ZC3H12B: variants seen among roughly 807,000 people sequenced by gnomAD.
The protein encoded by ZC3H12B is zinc finger CCCH-type containing 12B.
Under a neutral mutation model 43.9 loss-of-function variants are expected in ZC3H12B, and 7 were observed. The observed-to-expected ratio is 0.16, with a 90% confidence interval of 0.09 to 0.30. ZC3H12B has a LOEUF of 0.30. Among genes scored for constraint, ZC3H12B ranks in the 10% least tolerant of loss-of-function variants. The pLI, the probability that ZC3H12B is intolerant of heterozygous loss-of-function variation, is 1.00. For synonymous variants in ZC3H12B, 222 were observed against 241.7 expected, an observed-to-expected ratio of 0.92 and a Z score of 0.76; for missense variants, 475 against 670.2, an observed-to-expected ratio of 0.71 and a Z score of 3.22.
chrX:65,160,364 G>A, the ZC3H12B span, among the ~76,000 whole-genome samples: 3,642 of 111,590 alleles, frequency 0.033, 59 homozygotes, highest in South Asian at 0.057. Flanking sequence ...ACCTCTGGTA[G>A]AATTCGGCTG....
the ZC3H12B span, among the ~76,000 whole-genome samples, chrX:65,285,671 T>G: frequency 8.9e-6 from 1 of 111,738 alleles, no homozygotes; most frequent in Non-Finnish European, 1.9e-5. Flanking sequence ...GCGAATTTGT[T>G]ACCACTACAC....
the ZC3H12B span, among the ~76,000 whole-genome samples, chrX:65,219,756 A>C: frequency 1.8e-5 from 2 of 109,234 alleles, no homozygotes; most frequent in South Asian, 7.8e-4. Flanking sequence ...AAACTTCTGC[A>C]GCATTGCTAG....
chrX:65,416,377 T>A (rs938446689), intron 3 of ZC3H12B, among the ~76,000 whole-genome samples: 27 of 111,614 alleles, frequency 2.4e-4, no homozygotes, highest in African/African-American at 8.8e-4. Context: ...TCTGTTACTA[T>A]AGACATGGAA....
the ZC3H12B span, among the ~76,000 whole-genome samples, chrX:65,145,351 G>A: frequency 9.3e-6 from 1 of 107,986 alleles, no homozygotes; most frequent in African/African-American, 3.4e-5. Flanking sequence ...CCTTAAGTTT[G>A]TGTGAGTCCA....
the ZC3H12B span, among the ~76,000 whole-genome samples, chrX:65,100,310 CTTCAGGATATTA>C: frequency 9.1e-6 from 1 of 109,503 alleles, no homozygotes; most frequent in Non-Finnish European, 1.9e-5. Flanking sequence ...GTTAAATACA[CTTCAGGATATTA>C]TTTGGGAGAA....
the ZC3H12B span, among the ~76,000 whole-genome samples, chrX:65,242,588 C>G: frequency 8.9e-6 from 1 of 112,180 alleles, no homozygotes; most frequent in African/African-American, 3.2e-5. Context: ...AATGCAGTTT[C>G]TGTCAAAATA....
chrX:65,264,531 T>C, the ZC3H12B span, among the ~76,000 whole-genome samples: 1 of 111,958 alleles, frequency 8.9e-6, no homozygotes, highest in African/African-American at 3.2e-5. Flanking sequence ...GTGGCAGACA[T>C]AGATAAAAAA....
chrX:65,223,886 A>T, the ZC3H12B span, among the ~76,000 whole-genome samples: 1 of 112,557 alleles, frequency 8.9e-6, no homozygotes, highest in African/African-American at 3.2e-5. Flanking sequence ...TATGGAAAAC[A>T]GAGTGGAAAT....
intron 2 of ZC3H12B, among the ~76,000 whole-genome samples, chrX:65,397,924 T>G (rs1449406398): frequency 8.9e-6 from 1 of 111,919 alleles, no homozygotes; most frequent in Non-Finnish European, 1.9e-5. Flanking sequence ...ATAAACAAAT[T>G]TAATAAATTT....
intron 2 of ZC3H12B, among the ~76,000 whole-genome samples, chrX:65,378,305 A>T (rs749621861): frequency 8.9e-6 from 1 of 111,779 alleles, no homozygotes; most frequent in Non-Finnish European, 1.9e-5. Context: ...TTGAAAGATT[A>T]AAAAGACGAG....
chrX:65,201,233 A>G, the ZC3H12B span, among the ~76,000 whole-genome samples: 3 of 111,172 alleles, frequency 2.7e-5, 1 homozygote, highest in Non-Finnish European at 5.7e-5. Flanking sequence ...TGAACTCAGT[A>G]TTGGTCTATT....
At chrX:65,136,709 A>C in the ZC3H12B span, among the ~76,000 whole-genome samples, 1 of 111,727 alleles carries the variant, frequency 9.0e-6, no homozygotes, top group Non-Finnish European at 1.9e-5. Context: ...ATGAGAACCC[A>C]GGGGAACTCA....
the ZC3H12B span, among the ~76,000 whole-genome samples, chrX:65,097,038 A>T: frequency 9.0e-6 from 1 of 111,602 alleles, no homozygotes. Flanking sequence ...TTTGGCAATC[A>T]TGCCTCCTTT....
At chrX:65,067,003 T>C in the ZC3H12B span, among the ~76,000 whole-genome samples, 1 of 111,307 alleles carries the variant, frequency 9.0e-6, no homozygotes, top group Non-Finnish European at 1.9e-5. Context: ...CCAAGCTCGA[T>C]TGTTCCAGGT....
At chrX:65,454,754 T>A (rs12008241) in intron 3 of ZC3H12B, among the ~76,000 whole-genome samples, 1 of 110,651 alleles carries the variant, frequency 9.0e-6, no homozygotes, top group South Asian at 3.8e-4. Flanking sequence ...ACACCTCACA[T>A]GGCCGGGTAC....
intron 3 of ZC3H12B, among the ~76,000 whole-genome samples, chrX:65,472,987 T>C (rs1199094108): frequency 1.3e-5 from 1 of 78,996 alleles, no homozygotes; most frequent in Non-Finnish European, 2.1e-5. Context: ...TATATATATA[T>C]ATATATATAT....
chrX:65,175,533 A>G, the ZC3H12B span, among the ~76,000 whole-genome samples: 28 of 112,327 alleles, frequency 2.5e-4, no homozygotes, highest in Non-Finnish European at 4.7e-4. Flanking sequence ...GAAATATTCC[A>G]TACCTGAACT....
the ZC3H12B span, among the ~76,000 whole-genome samples, chrX:65,065,701 G>A: frequency 9.0e-6 from 1 of 111,520 alleles, no homozygotes; most frequent in Non-Finnish European, 1.9e-5. Flanking sequence ...TTGCCAGGTA[G>A]GGGCAGTTCT....
chrX:65,460,891 G>T (rs1360003456), intron 3 of ZC3H12B, among the ~76,000 whole-genome samples: 1 of 111,535 alleles, frequency 9.0e-6, no homozygotes, highest in African/African-American at 3.3e-5. Flanking sequence ...CTTCTGCACA[G>T]CAAAAGAAGC....
Sources: allele counts gnomAD v4.1 joint callset (sites outside exome capture counted in the v4.1 genomes callset), GRCh38; gene constraint gnomAD v4.1.1; transcripts MANE v1.5; gene names NCBI Gene and HGNC (gene_info 2026-07-23, HGNC 2026-07-21).